Variants in RAI14 observed in about 807,000 individuals in gnomAD.
The protein encoded by RAI14 is ankycorbin.
Under a neutral mutation model 115.4 loss-of-function variants are expected in RAI14, and 45 were observed. That is an observed-to-expected ratio of 0.39 (90% CI 0.31 to 0.50). The LOEUF (loss-of-function observed/expected upper bound fraction) is 0.50, where lower values mean the gene tolerates loss of function less well. Among genes scored for constraint, RAI14 ranks in the 20% least tolerant of loss-of-function variants. The pLI, the probability that RAI14 is intolerant of heterozygous loss-of-function variation, is 0.85. For synonymous variants in RAI14, 371 were observed against 415.4 expected (o/e 0.89, Z 1.30); for missense variants, 939 against 1,131.2 (o/e 0.83, Z 2.44).
chr5:34,688,191 C>T, intron 2 of RAI14: 1 of 1,549,928 alleles, frequency 6.5e-7, no homozygotes, highest in Non-Finnish European at 8.7e-7. Context: ...TCATCGTCTG[C>T]TGGCTGTATG....
intron 4 of RAI14, among the ~76,000 whole-genome samples, chr5:34,799,514 ACACACACACACACACACACACAC>A (rs1753951078): frequency 9.3e-6 from 1 of 107,100 alleles, no homozygotes; most frequent in African/African-American, 3.0e-5. Context: ...ACACACACAC[ACACACACACACACACACACACAC>A]ACAAAACCAC....
In RAI14 at chr5:34,752,703, ATGTGTGTGTGTG is replaced by A. The variant is rs71600953; in HGVS notation, c.37-4729_37-4718del. Among the ~76,000 whole-genome samples the A allele has an allele frequency of 3.2e-3, 269 of 83,024 alleles. 11 individuals are homozygous for A. Among genetic ancestry groups the A allele is most frequent in the African/African-American group, 0.014 (243 of 17,496 alleles). 54.5% of individuals were successfully genotyped at this position (83,024 alleles called of 152,430 possible). On this transcript the variant is annotated intron_variant, in intron 2 of 17. Coordinates refer to ENST00000265109, the MANE Select transcript of RAI14 (RefSeq NM_015577.3). Reference sequence around the variant, plus strand: ...AGAAATATCTATATTTCTTACATATATGTGTGTGTGTGTGTGTGTGTGTGTGTGTGTGTGTGT... The same window carrying A: ...AGAAATATCTATATTTCTTACATATATGTGTGTGTGTGTGTGTGTGTGTGT...
At chr5:34,808,675 A>G in intron 7 of RAI14, 21 bp downstream of exon 7, 1 of 1,607,118 alleles carries the variant, frequency 6.2e-7, no homozygotes, top group Non-Finnish European at 8.5e-7. Flanking sequence ...GGTGGTCACT[A>G]GAGGCAGAGG....
At chr5:34,723,099 CAAAAAAAA>C (rs34763264) in intron 2 of RAI14, among the ~76,000 whole-genome samples, 2 of 85,662 alleles carry the variant, frequency 2.3e-5, no homozygotes, top group African/African-American at 8.1e-5. Flanking sequence ...GACCCTGTCT[CAAAAAAAA>C]AAAAAAAAAA....
rs1440504444 is a variant in RAI14 at position 34,808,630 on chromosome 5, G to C, written c.426G>C (p.Lys142Asn). 13 of 1,614,100 alleles carry C rather than the reference G, an allele frequency of 8.1e-6. No individual in the cohort carries two copies. The highest frequency in any genetic ancestry group is 2.7e-5 in the African/African-American group (2 of 74,938). The change falls in exon 7 of 18, where the codon AAG becomes AAC. Residue 142 changes from lysine (K) to asparagine (N), a missense_variant. Lys to Asn is a moderately conservative substitution (Grantham distance 94). Coordinates refer to ENST00000265109, the MANE Select transcript of RAI14 (RefSeq NM_015577.3). ...CTGTGCAGATTCTCTGCGAACACAA[G>C]AGCCCCATAAACCTCAAAGATTTGG... ...LQAVQILCEH[K>N]SPINLKDLDG...
intron 2 of RAI14, among the ~76,000 whole-genome samples, chr5:34,715,717 T>C (rs1741905689): frequency 6.6e-6 from 1 of 152,224 alleles, no homozygotes. Context: ...TGTTTGTTCA[T>C]GATGTATTTG....
chr5:34,664,804 C>G (rs1444515328), intron 1 of RAI14, among the ~76,000 whole-genome samples: 1 of 151,052 alleles, frequency 6.6e-6, no homozygotes, highest in East Asian at 2.0e-4. Context: ...TCCCCAAAGT[C>G]CATTTTGTCA....
chr5:34,779,609 C>T (rs925248064), intron 3 of RAI14, among the ~76,000 whole-genome samples: 1 of 152,134 alleles, frequency 6.6e-6, no homozygotes, highest in African/African-American at 2.4e-5. Context: ...TGAGTGAACT[C>T]CCATTCACAA....
chr5:34,683,936 C>G (rs1744591576), intron 1 of RAI14, among the ~76,000 whole-genome samples: 1 of 152,156 alleles, frequency 6.6e-6, no homozygotes, highest in African/African-American at 2.4e-5. Flanking sequence ...ACCGTGTTAG[C>G]CAGGATGATC....
chr5:34,707,466 CA>C (rs967627810), intron 2 of RAI14, among the ~76,000 whole-genome samples: 8 of 152,020 alleles, frequency 5.3e-5, no homozygotes, highest in African/African-American at 1.9e-4. Context: ...GACTCCGTCT[CA>C]AAAAAAATGC....
chr5:34,715,648 C>T (rs1741898661), intron 2 of RAI14, among the ~76,000 whole-genome samples: 1 of 152,200 alleles, frequency 6.6e-6, no homozygotes, highest in African/African-American at 2.4e-5. Flanking sequence ...ACACATTCTT[C>T]TGGCTTCCTA....
intron 2 of RAI14, among the ~76,000 whole-genome samples, chr5:34,709,305 G>A (rs1208127344): frequency 6.6e-6 from 1 of 152,048 alleles, no homozygotes; most frequent in Non-Finnish European, 1.5e-5. Context: ...AAAATTAGCT[G>A]GGCATGGTGG....
At chr5:34,783,570 G>T (rs1052712658) in intron 3 of RAI14, among the ~76,000 whole-genome samples, 11 of 152,064 alleles carry the variant, frequency 7.2e-5, no homozygotes, top group Non-Finnish European at 1.5e-4. Flanking sequence ...GCTGGTTTCT[G>T]TAGATGCTGT....
Position 34,824,452 on chromosome 5 carries a change from T to C in RAI14, c.2610T>C (p.Ala870=). 6.3e-7 allele frequency: 1 copy of C among 1,592,758 alleles called. No individual in the cohort carries two copies. The highest frequency in any genetic ancestry group is 1.4e-5 in the African/African-American group (1 of 73,990). The change falls in exon 15 of 18, where the codon GCT becomes GCC. Residue 870 remains alanine (A), a synonymous_variant. Transcript: ENST00000265109. Reference sequence around the variant, plus strand: ...AACTTGCAGAAATGAAAAGATACGCTGAGAGCTCTTCAAAACTGGAGGAAG... The same window carrying C: ...AACTTGCAGAAATGAAAAGATACGCCGAGAGCTCTTCAAAACTGGAGGAAG... The part of the protein sequence containing the change: ...QEELAEMKRY[A]ESSSKLEEDK...
intron 3 of RAI14, among the ~76,000 whole-genome samples, chr5:34,783,999 G>A (rs1226717771): frequency 6.6e-6 from 1 of 151,762 alleles, no homozygotes; most frequent in East Asian, 1.9e-4. Context: ...GAGGGAACAT[G>A]TGTGACATCC....
chr5:34,814,739 T>A, intron 12 of RAI14, 70 bp downstream of exon 12: 1 of 1,199,756 alleles, frequency 8.3e-7, no homozygotes, highest in Non-Finnish European at 1.2e-6. Flanking sequence ...TTAAGTTATA[T>A]AACACTGGGA....
At chr5:34,704,329 C>T (rs918372904) in intron 2 of RAI14, among the ~76,000 whole-genome samples, 5 of 152,136 alleles carry the variant, frequency 3.3e-5, no homozygotes, top group African/African-American at 9.7e-5. Context: ...TGAACACTTC[C>T]GTCCGGGTAC....
chr5:34,753,829 G>T (rs557300728), intron 2 of RAI14, among the ~76,000 whole-genome samples: 1 of 151,102 alleles, frequency 6.6e-6, no homozygotes, highest in East Asian at 2.0e-4. Flanking sequence ...CAGGAAAATC[G>T]CTTGAACCCA....
chr5:34,830,286 C>A (rs577769916), intron 17 of RAI14, among the ~76,000 whole-genome samples: 1 of 152,282 alleles, frequency 6.6e-6, no homozygotes, highest in Non-Finnish European at 1.5e-5. Flanking sequence ...GCCCCACCCT[C>A]CCATCATTTA....
Sources: gnomAD v4.1 joint callset for allele counts (sites outside exome capture counted in the v4.1 genomes callset) on GRCh38, gnomAD v4.1.1 for gene constraint, MANE v1.5 for transcripts, NCBI Gene and HGNC (gene_info 2026-07-23, HGNC 2026-07-21) for gene names.